ROBO2: variants seen among roughly 807,000 people sequenced by gnomAD.
ROBO2 encodes the protein roundabout homolog 2.
Under a neutral mutation model 160.8 loss-of-function variants are expected in ROBO2, and 53 were observed. That is an observed-to-expected ratio of 0.33 (90% CI 0.26 to 0.41). ROBO2 has a LOEUF of 0.41. Among genes scored for constraint, ROBO2 ranks in the 10% least tolerant of loss-of-function variants. The pLI is 1.00. For synonymous variants in ROBO2, 664 were observed against 611.7 expected (o/e 1.09, Z -1.26); for missense variants, 1,577 against 1,722.4 (o/e 0.92, Z 1.49).
intron 2 of ROBO2, among the ~76,000 whole-genome samples, chr3:76,557,637 ATC>A (rs1204954271): frequency 8.0e-6 from 1 of 125,578 alleles, no homozygotes; most frequent in Non-Finnish European, 1.7e-5. Flanking sequence ...TAAGAAGTTT[ATC>A]TCCACTTTTG....
chr3:77,187,163 A>T (rs2150907478), intron 2 of ROBO2, among the ~76,000 whole-genome samples: 1 of 152,154 alleles, frequency 6.6e-6, no homozygotes, highest in African/African-American at 2.4e-5. Context: ...CATCTATATT[A>T]AAATATTTCT....
intron 2 of ROBO2, among the ~76,000 whole-genome samples, chr3:77,234,896 C>A (rs2087729280): frequency 6.6e-6 from 1 of 152,026 alleles, no homozygotes; most frequent in Non-Finnish European, 1.5e-5. Flanking sequence ...GTGGGTGATG[C>A]CAGTATCAAG....
chr3:76,957,614 C>A, intron 2 of ROBO2, among the ~76,000 whole-genome samples: 1 of 151,938 alleles, frequency 6.6e-6, no homozygotes, highest in East Asian at 1.9e-4. Flanking sequence ...GAGCAGATCA[C>A]GAGGTCAGGA....
intron 2 of ROBO2, among the ~76,000 whole-genome samples, chr3:76,506,975 T>C (rs1357158446): frequency 6.6e-6 from 1 of 152,212 alleles, no homozygotes; most frequent in African/African-American, 2.4e-5. Context: ...TTATGAACTT[T>C]CTATAAAAAT....
At chr3:76,012,110 A>G (rs2066211681) in intron 2 of ROBO2, among the ~76,000 whole-genome samples, 1 of 152,212 alleles carries the variant, frequency 6.6e-6, no homozygotes, top group Admixed American at 6.5e-5. Context: ...TTTTATCTCT[A>G]TGTAGAGGTA....
chr3:76,434,783 T>G lies in ROBO2; in HGVS notation c.109+497181T>G, dbSNP rs2076592631. 1.5e-5 allele frequency: 19 copies of G among 1,294,390 alleles called. No individual in the cohort carries two copies. In the South Asian group the frequency reaches 2.2e-4, roughly 15 times the overall value. The allele number at this position is 1,294,390 out of a possible 1,614,324, so 80.2% of individuals were successfully genotyped here. On this transcript the variant is annotated intron_variant, in intron 2 of 26. Transcript: ENST00000487694. ...CCTGCTCAGCCCTGTTTGCGCAGAT[T>G]AATCAGGGGGAGAGCATCACACATG...
intron 2 of ROBO2, among the ~76,000 whole-genome samples, chr3:76,214,386 A>G (rs1008667016): frequency 2.0e-5 from 3 of 152,190 alleles, no homozygotes; most frequent in African/African-American, 7.2e-5. Context: ...CAGGAAGCAC[A>G]AGGGGTCAGG....
At chr3:76,428,688 A>T (rs936561428) in intron 2 of ROBO2, among the ~76,000 whole-genome samples, 1 of 152,174 alleles carries the variant, frequency 6.6e-6, no homozygotes, top group Non-Finnish European at 1.5e-5. Context: ...AAAAGTTTAT[A>T]TATTAGATTT....
intron 2 of ROBO2, among the ~76,000 whole-genome samples, chr3:76,572,550 A>G (rs1479177655): frequency 6.6e-6 from 1 of 152,144 alleles, no homozygotes; most frequent in Non-Finnish European, 1.5e-5. Flanking sequence ...CAATGCATAA[A>G]CAGATTAATC....
chr3:76,117,790 T>C (rs755234221), intron 2 of ROBO2, among the ~76,000 whole-genome samples: 9 of 152,174 alleles, frequency 5.9e-5, no homozygotes, highest in Admixed American at 6.5e-5. Flanking sequence ...CAAATGAATT[T>C]TAAACAAAAA....
At chr3:77,245,125 A>C (rs1408242532) in intron 2 of ROBO2, among the ~76,000 whole-genome samples, 2 of 152,196 alleles carry the variant, frequency 1.3e-5, no homozygotes, top group African/African-American at 4.8e-5. Context: ...ATTGGAATGC[A>C]CTGCCTTCTT....
intron 24 of ROBO2, among the ~76,000 whole-genome samples, chr3:77,643,335 G>T (rs2095374264): frequency 6.6e-6 from 1 of 152,170 alleles, no homozygotes; most frequent in Admixed American, 6.5e-5. Context: ...TTCGAAAGGA[G>T]AACTCACATC....
chr3:76,757,085 G>A (rs1193913632), intron 2 of ROBO2, among the ~76,000 whole-genome samples: 1 of 151,692 alleles, frequency 6.6e-6, no homozygotes, highest in Non-Finnish European at 1.5e-5. Flanking sequence ...ATCTATTTAA[G>A]GTATTTGTTT....
intron 2 of ROBO2, among the ~76,000 whole-genome samples, chr3:76,714,964 C>G (rs981372124): frequency 2.6e-5 from 4 of 152,096 alleles, no homozygotes; most frequent in African/African-American, 7.2e-5. Context: ...CAACAGGTGA[C>G]CCCAAGCTCA....
chr3:76,119,437 A>G (rs572926353), intron 2 of ROBO2, among the ~76,000 whole-genome samples: 1 of 152,188 alleles, frequency 6.6e-6, no homozygotes, highest in South Asian at 2.1e-4. Flanking sequence ...ACTCACCCGA[A>G]GGTATCATGT....
At chr3:76,219,483 AAAAC>A (rs1460910797) in intron 2 of ROBO2, among the ~76,000 whole-genome samples, 1 of 152,190 alleles carries the variant, frequency 6.6e-6, no homozygotes, top group Non-Finnish European at 1.5e-5. Flanking sequence ...TTACAAGAAG[AAAAC>A]AAACAACCCC....
chr3:76,134,883 G>T (rs1382492252), intron 2 of ROBO2, among the ~76,000 whole-genome samples: 3 of 152,010 alleles, frequency 2.0e-5, no homozygotes, highest in Non-Finnish European at 4.4e-5. Flanking sequence ...AAAATAAGTA[G>T]GGTAGACTAA....
intron 2 of ROBO2, among the ~76,000 whole-genome samples, chr3:76,152,086 G>A (rs1043017712): frequency 6.6e-6 from 1 of 152,040 alleles, no homozygotes; most frequent in Non-Finnish European, 1.5e-5. Context: ...TAACTTCTTT[G>A]GTGGCCAGTG....
At chr3:76,347,146 C>T (rs2074580992) in intron 2 of ROBO2, among the ~76,000 whole-genome samples, 1 of 152,128 alleles carries the variant, frequency 6.6e-6, no homozygotes, top group African/African-American at 2.4e-5. Context: ...GACACACTAG[C>T]AGAGTATCAA....
Sources: gnomAD v4.1 joint callset for allele counts (sites outside exome capture counted in the v4.1 genomes callset) on GRCh38, gnomAD v4.1.1 for gene constraint, MANE v1.5 for transcripts, NCBI Gene and HGNC (gene_info 2026-07-23, HGNC 2026-07-21) for gene names.